Variants in PREX1 observed in about 807,000 individuals in gnomAD.
PREX1 encodes the protein phosphatidylinositol-3,4,5-trisphosphate dependent Rac exchange factor 1, also known as phosphatidylinositol 3,4,5-trisphosphate-dependent Rac exchanger 1 protein.
In PREX1, 41 loss-of-function variants were observed where a neutral mutation model predicts 198.3. That is an observed-to-expected ratio of 0.21 (90% CI 0.16 to 0.27). The LOEUF (loss-of-function observed/expected upper bound fraction) is 0.27. PREX1 is among the 10% of genes least tolerant of loss of function. The pLI is 1.00. For missense variants in PREX1, 1,620 were observed against 2,200.7 expected, an observed-to-expected ratio of 0.74 and a Z score of 5.28; for synonymous variants, 843 against 887.2, an observed-to-expected ratio of 0.95 and a Z score of 0.89.
chr20:48,822,632 C>T (rs1194662003), intron 1 of PREX1, among the ~76,000 whole-genome samples: 7 of 152,104 alleles, frequency 4.6e-5, no homozygotes, highest in South Asian at 2.1e-4. Flanking sequence ...AAAATATATT[C>T]GCATACATAT....
intron 1 of PREX1, among the ~76,000 whole-genome samples, chr20:48,750,681 C>T (rs1266956587): frequency 1.3e-5 from 2 of 152,200 alleles, no homozygotes; most frequent in Admixed American, 6.5e-5. Flanking sequence ...AAGAGGCCCT[C>T]CTCTTCTTAA....
chr20:48,681,346 C>A lies in PREX1; in HGVS notation c.1335-11G>T. On this transcript the variant is annotated splice_polypyrimidine_tract_variant and intron_variant, in intron 10 of 39. Transcript: ENST00000371941. ...CAGGCAACGAACTCACTGCCAGGAA[C>A]ACAATATGTGGTTGAGAGGATTTCC... 1.2e-6 allele frequency: 2 copies of A among 1,613,498 alleles called. No homozygotes were observed. The highest frequency in any genetic ancestry group is 1.7e-6 in the Non-Finnish European group (2 of 1,179,416).
At position 48,696,217 on chromosome 20, in the gene PREX1, G is replaced by T. The variant is rs558083702; in HGVS notation, c.918-3427C>A. Among the ~76,000 whole-genome samples the T allele has an allele frequency of 1.2e-4, 18 of 152,296 alleles. No homozygotes were observed. In the South Asian group the frequency reaches 2.1e-3, roughly 18 times the overall value. The stretch of plus-strand genomic sequence containing the variant: ...TTCTCCCATGCTTTCTTGTAGAAGT[G>T]TTATTGTTCTACCGTTTACATTTAA... On this transcript the variant is annotated intron_variant, in intron 7 of 39. Transcript: ENST00000371941.
Position 48,662,564 on chromosome 20 carries a change from C to T in PREX1, c.1739-2503G>A, listed in dbSNP as rs528713084. ...GGGATTAAATGGCAAGCCTCAGTTT[C>T]CCCATATGTGCCTAAAGCAAGAGGG... On this transcript the variant is annotated intron_variant, in intron 15 of 39. Transcript: ENST00000371941. Among the ~76,000 whole-genome samples, 4 of 152,304 alleles carry T rather than the reference C, an allele frequency of 2.6e-5. No homozygotes were observed. The South Asian group carries it at 6.2e-4, about 24-fold the overall frequency.
the PREX1 span, among the ~76,000 whole-genome samples, chr20:48,872,951 T>G: frequency 5.9e-5 from 9 of 152,198 alleles, no homozygotes; most frequent in African/African-American, 2.2e-4. Context: ...ATTTTATTTT[T>G]TTCTGTTTAA....
chr20:48,746,218 T>C (rs1330640416), intron 2 of PREX1, among the ~76,000 whole-genome samples: 1 of 152,172 alleles, frequency 6.6e-6, no homozygotes, highest in Non-Finnish European at 1.5e-5. Context: ...AGACAGGGTT[T>C]CACCGTGTTG....
rs755076938 is a variant in PREX1 at position 48,708,352 on chromosome 20, T to C, written c.691A>G (p.Lys231Glu). 1.2e-6 allele frequency: 2 copies of C among 1,614,130 alleles called. No homozygotes were observed. The highest frequency in any genetic ancestry group is 1.7e-6 in the Non-Finnish European group (2 of 1,180,034). ...TCATTGATGTTGGAGCAAACGGTCT[T>C]CATGGCCTGCAGGGCACTCTGGACC... ...PAVQSALQAM[K>E]TVCSNINETK... Residue 231 changes from lysine to glutamate, a missense_variant, in exon 6 of 40, where the codon AAG becomes GAG. By Grantham distance (56) the Lys-to-Glu change is moderately conservative. Coordinates refer to ENST00000371941, the MANE Select transcript of PREX1 (RefSeq NM_020820.4).
In PREX1 at chr20:48,681,351, T is replaced by C; in HGVS notation, c.1335-16A>G. 6.2e-7 allele frequency: 1 copy of C among 1,612,616 alleles called. No individual in the cohort carries two copies. The highest frequency in any genetic ancestry group is 8.5e-7 in the Non-Finnish European group (1 of 1,178,624). On this transcript the variant is annotated splice_polypyrimidine_tract_variant and intron_variant, in intron 10 of 39. Transcript: ENST00000371941. ...AACGAACTCACTGCCAGGAACACAA[T>C]ATGTGGTTGAGAGGATTTCCCCAAT...
rs547269138 is a variant in PREX1, at chr20:48,703,818, A to G, written c.784-2932T>C. ...GAAATGCCGAGCACACTACAGGGGG[A>G]TACCCCCTCCACCCCAGCCCTGCTG... On this transcript the variant is annotated intron_variant, in intron 6 of 39. Coordinates refer to ENST00000371941, the MANE Select transcript of PREX1 (RefSeq NM_020820.4). 5.1e-4 allele frequency among the ~76,000 whole-genome samples: 78 copies of G among 152,130 alleles called. 1 individual carries two copies. Among genetic ancestry groups the G allele is most frequent in the African/African-American group, 1.9e-3 (77 of 41,510 alleles).
At chr20:48,826,963 G>A (rs530463539) in intron 1 of PREX1, among the ~76,000 whole-genome samples, 5 of 152,358 alleles carry the variant, frequency 3.3e-5, no homozygotes, top group African/African-American at 1.2e-4. Flanking sequence ...TAAGGTGTCT[G>A]GCACATAGTA....
chr20:48,682,205 C>T (rs1310988811), intron 10 of PREX1, among the ~76,000 whole-genome samples: 1 of 152,156 alleles, frequency 6.6e-6, no homozygotes, highest in Non-Finnish European at 1.5e-5. Context: ...ACTTGCTGTT[C>T]CTTCTGCCTG....
chr20:48,639,408 C>T (rs2089391078), intron 30 of PREX1, among the ~76,000 whole-genome samples: 1 of 152,256 alleles, frequency 6.6e-6, no homozygotes, highest in African/African-American at 2.4e-5. Context: ...GCCGGTGTCC[C>T]TCATACCCTG....
intron 27 of PREX1, among the ~76,000 whole-genome samples, chr20:48,643,342 G>A (rs753306045): frequency 5.9e-5 from 9 of 152,196 alleles, no homozygotes; most frequent in South Asian, 2.1e-4. Flanking sequence ...GGTGGCGGGC[G>A]CCTGTAATCC....
At chr20:48,826,350 C>G (rs1405662916) in intron 1 of PREX1, among the ~76,000 whole-genome samples, 2 of 152,186 alleles carry the variant, frequency 1.3e-5, no homozygotes, top group Admixed American at 1.3e-4. Flanking sequence ...CCCCTCCACC[C>G]GCTGGCCACT....
At chr20:48,814,560 G>A (rs942077154) in intron 1 of PREX1, among the ~76,000 whole-genome samples, 1 of 152,186 alleles carries the variant, frequency 6.6e-6, no homozygotes, top group Non-Finnish European at 1.5e-5. Flanking sequence ...TGCAAGAATA[G>A]AAAGAAATGT....
the PREX1 span, among the ~76,000 whole-genome samples, chr20:48,876,392 G>C: frequency 6.6e-6 from 1 of 152,222 alleles, no homozygotes; most frequent in Non-Finnish European, 1.5e-5. Context: ...AAGATGGCAA[G>C]AGGTGGCCAA....
At chr20:48,675,574 T>A (rs1472784747) in intron 14 of PREX1, among the ~76,000 whole-genome samples, 7 of 152,144 alleles carry the variant, frequency 4.6e-5, no homozygotes, top group Admixed American at 2.0e-4. Context: ...GTAGTCAAGT[T>A]CATAGAGACA....
In PREX1 at chr20:48,639,748, C is replaced by T. The variant is rs1241897348; in HGVS notation, c.3904+18G>A. The T allele has an allele frequency of 1.9e-6, 3 of 1,612,644 alleles. No homozygotes were observed. Among genetic ancestry groups the T allele is most frequent in the South Asian group, 1.1e-5 (1 of 90,922 alleles). ...ATGGCCCCCTCCCCACCATGATGCA[C>T]CCTCCCTGCCCACCGACCTTCCACA... On this transcript the variant is annotated intron_variant, in intron 30 of 39. Coordinates refer to ENST00000371941, the MANE Select transcript of PREX1 (RefSeq NM_020820.4).
chr20:48,730,580 G>A (rs1438301962), intron 4 of PREX1, among the ~76,000 whole-genome samples: 5 of 152,118 alleles, frequency 3.3e-5, no homozygotes, highest in Admixed American at 3.3e-4. Flanking sequence ...GAACCTTCTG[G>A]AGTGATGGGA....
Sources: allele counts gnomAD v4.1 joint callset (sites outside exome capture counted in the v4.1 genomes callset), GRCh38; gene constraint gnomAD v4.1.1; transcripts MANE v1.5; gene names NCBI Gene and HGNC (gene_info 2026-07-23, HGNC 2026-07-21).